Variants in MRTFB observed in about 807,000 individuals in gnomAD.
MRTFB encodes the protein myocardin related transcription factor B.
MRTFB carries 29 observed loss-of-function variants against 104.2 expected under a neutral mutation model. That is an observed-to-expected ratio of 0.28 (90% CI 0.21 to 0.38). The LOEUF (loss-of-function observed/expected upper bound fraction) is 0.38. MRTFB is among the 10% of genes least tolerant of loss of function. MRTFB has a pLI of 1.00. For missense variants in MRTFB, 1,270 were observed against 1,341.6 expected (o/e 0.95, Z 0.83); for synonymous variants, 535 against 519.5 (o/e 1.03, Z -0.41).
At chr16:14,006,845 A>G in the MRTFB span, among the ~76,000 whole-genome samples, 1 of 151,892 alleles carries the variant, frequency 6.6e-6, no homozygotes, top group Non-Finnish European at 1.5e-5. Flanking sequence ...GCAAGACCTC[A>G]TCTCTACAAA....
chr16:14,229,348 ATTT>A (rs869026118), intron 8 of MRTFB, among the ~76,000 whole-genome samples: 2 of 149,544 alleles, frequency 1.3e-5, no homozygotes, highest in Non-Finnish European at 1.5e-5. Flanking sequence ...TATTCAACTC[ATTT>A]TTCATTTTAT....
At chr16:14,088,381 G>A (rs2034851430) in intron 2 of MRTFB, among the ~76,000 whole-genome samples, 1 of 152,130 alleles carries the variant, frequency 6.6e-6, no homozygotes, top group African/African-American at 2.4e-5. Context: ...GCAGCTAGTA[G>A]GTTAAAAACA....
chr16:14,142,006 T>G (rs899039835), intron 3 of MRTFB: 1 of 151,450 alleles, frequency 6.6e-6, no homozygotes, highest in Non-Finnish European at 1.5e-5. Flanking sequence ...GCCCAGCTAA[T>G]TTTTTGTATT....
chr16:14,245,173 T>C (rs991079655), intron 10 of MRTFB, among the ~76,000 whole-genome samples: 3 of 152,216 alleles, frequency 2.0e-5, no homozygotes, highest in African/African-American at 7.2e-5. Context: ...GCTCTCTCAT[T>C]TGCCTGTTGT....
intron 12 of MRTFB, 178 bp from the exon 13 acceptor site, chr16:14,248,748 T>C (rs967137167): frequency 2.0e-5 from 12 of 591,872 alleles, no homozygotes; most frequent in Non-Finnish European, 3.4e-5. Flanking sequence ...GATGTTTCCC[T>C]CTCTGGTTTA....
At chr16:14,104,579 G>A (rs895848346) in intron 2 of MRTFB, among the ~76,000 whole-genome samples, 4 of 152,152 alleles carry the variant, frequency 2.6e-5, no homozygotes, top group African/African-American at 9.7e-5. Context: ...AAGTGTTGGG[G>A]TTTCGCTTTA....
chr16:14,046,869 C>T, the MRTFB span, among the ~76,000 whole-genome samples: 1 of 152,176 alleles, frequency 6.6e-6, no homozygotes, highest in Non-Finnish European at 1.5e-5. Flanking sequence ...TGATTATATA[C>T]CAGGCACTGC....
Position 14,119,305 on chromosome 16 carries a change from G to A in MRTFB, c.-63-21239G>A, listed in dbSNP as rs868421483. Among the ~76,000 whole-genome samples, 4 of 152,340 alleles carry A rather than the reference G, an allele frequency of 2.6e-5. No individual in the cohort carries two copies. In the South Asian group the frequency reaches 8.3e-4, roughly 32 times the overall value. On this transcript the variant is annotated intron_variant, in intron 2 of 16. Transcript: ENST00000571589. ...GGTCTTATTTGAATATAGTTTGGCA[G>A]TTGGCTGCCTCTGATTGGCTGAAAC...
chr16:14,125,852 A>T (rs1216352414), intron 2 of MRTFB, among the ~76,000 whole-genome samples: 1 of 152,218 alleles, frequency 6.6e-6, no homozygotes, highest in Non-Finnish European at 1.5e-5. Context: ...ATAGGAAATA[A>T]TTAAAATAAT....
intron 2 of MRTFB, among the ~76,000 whole-genome samples, chr16:14,121,175 T>C (rs778658262): frequency 1.3e-5 from 2 of 151,750 alleles, no homozygotes; most frequent in Non-Finnish European, 2.9e-5. Context: ...GTTCTTAGCA[T>C]TGTCATTTTC....
At chr16:14,039,192 C>T in the MRTFB span, among the ~76,000 whole-genome samples, 36 of 152,306 alleles carry the variant, frequency 2.4e-4, no homozygotes, top group African/African-American at 8.4e-4. Flanking sequence ...TCAGGTGGCT[C>T]TAGTAAGTGT....
At chr16:14,233,295 G>C (rs2042346469) in intron 8 of MRTFB, among the ~76,000 whole-genome samples, 2 of 152,148 alleles carry the variant, frequency 1.3e-5, no homozygotes, top group African/African-American at 4.8e-5. Context: ...AGAAATGGGG[G>C]AATATGGTTA....
rs1358061292 is a variant in MRTFB, at chr16:14,245,574, A to G, written c.1126A>G (p.Asn376Asp). ...TAACAGTGGGAATTCAGCTTTGAAC[A>G]ATGCCACACCTAACACACCAAGACA... ...NSNSGNSALN[N>D]ATPNTPRQNT... is the part of the protein sequence containing the mutation. Residue 376 changes from asparagine to aspartate, a missense_variant, in exon 11 of 17, where the codon AAT (asparagine) becomes GAT (aspartate). This residue lies in a region of MRTFB where 1,144 missense variants were observed against 1,131.5 expected (regional missense o/e 1.01). Coordinates refer to ENST00000571589, the MANE Select transcript of MRTFB (RefSeq NM_001308142.2). The G allele has an allele frequency of 1.5e-5, 25 of 1,613,848 alleles. No individual in the cohort carries two copies. Among genetic ancestry groups the G allele is most frequent in the Non-Finnish European group, 2.0e-5 (24 of 1,179,946 alleles).
intron 2 of MRTFB, among the ~76,000 whole-genome samples, chr16:14,112,418 A>G (rs1411946503): frequency 6.6e-6 from 1 of 152,224 alleles, no homozygotes; most frequent in Non-Finnish European, 1.5e-5. Context: ...AGGGCTCCAG[A>G]GAGCTGGCAG....
At chr16:14,199,156 C>T (rs2040571053) in intron 3 of MRTFB, among the ~76,000 whole-genome samples, 1 of 152,192 alleles carries the variant, frequency 6.6e-6, no homozygotes. Flanking sequence ...GGGATTAAAA[C>T]AGCAGCATTT....
chr16:14,194,702 CTTTTTTT>C (rs5815818), intron 3 of MRTFB, among the ~76,000 whole-genome samples: 1 of 123,580 alleles, frequency 8.1e-6, no homozygotes, highest in East Asian at 2.3e-4. Flanking sequence ...GTATGCTTTT[CTTTTTTT>C]TTTTTTTTTT....
At chr16:14,164,718 T>C (rs1188102600) in intron 3 of MRTFB, among the ~76,000 whole-genome samples, 1 of 152,228 alleles carries the variant, frequency 6.6e-6, no homozygotes, top group African/African-American at 2.4e-5. Flanking sequence ...ATAAGAATTA[T>C]CTTTTATGTT....
intron 8 of MRTFB, among the ~76,000 whole-genome samples, chr16:14,223,799 TAAAG>T (rs1367519680): frequency 6.6e-6 from 1 of 152,036 alleles, no homozygotes; most frequent in Admixed American, 6.6e-5. Flanking sequence ...ATACAGTAAT[TAAAG>T]AAATAATGGC....
intron 3 of MRTFB, among the ~76,000 whole-genome samples, chr16:14,158,262 A>G (rs1051026838): frequency 6.6e-6 from 1 of 152,236 alleles, no homozygotes; most frequent in Admixed American, 6.5e-5. Flanking sequence ...GTGTTTCTGC[A>G]TATTTCCACA....
Sources: allele counts gnomAD v4.1 joint callset (sites outside exome capture counted in the v4.1 genomes callset), GRCh38; gene constraint gnomAD v4.1.1; regional missense constraint gnomAD v4.1.1; transcripts MANE v1.5; gene names NCBI Gene and HGNC (gene_info 2026-07-23, HGNC 2026-07-21).